Variants in PCDH15 observed in about 807,000 individuals in gnomAD.
PCDH15 encodes protocadherin-15.
A neutral mutation model predicts 178.5 loss-of-function variants in PCDH15; 129 were observed. That is an observed-to-expected ratio of 0.72 (90% CI 0.63 to 0.84). The LOEUF (loss-of-function observed/expected upper bound fraction) is 0.84, where lower values mean the gene tolerates loss of function less well. PCDH15 is among the 40% of genes least tolerant of loss of function. The pLI is 0.00. For synonymous variants in PCDH15, 800 were observed against 732.0 expected (o/e 1.09, Z -1.50); for missense variants, 2,230 against 2,099.9 (o/e 1.06, Z -1.21).
intron 10 of PCDH15, among the ~76,000 whole-genome samples, chr10:54,212,072 C>T (rs560555160): frequency 6.6e-6 from 1 of 151,916 alleles, no homozygotes; most frequent in Non-Finnish European, 1.5e-5. Context: ...TACACCAGGA[C>T]AGCTGAATTC....
chr10:54,438,630 T>C (rs892100912), intron 3 of PCDH15, among the ~76,000 whole-genome samples: 1 of 152,100 alleles, frequency 6.6e-6, no homozygotes, highest in Non-Finnish European at 1.5e-5. Context: ...CAACTTGCCA[T>C]GTTTAGCTTC....
chr10:54,260,327 G>T (rs1196345461), intron 8 of PCDH15, among the ~76,000 whole-genome samples: 10 of 148,808 alleles, frequency 6.7e-5, no homozygotes, highest in Admixed American at 5.3e-4. Context: ...TCTCTCTGTC[G>T]CCCCCAATTT....
intron 9 of PCDH15, among the ~76,000 whole-genome samples, chr10:54,217,987 T>A (rs1591237031): frequency 6.6e-6 from 1 of 152,316 alleles, no homozygotes; most frequent in East Asian, 1.9e-4. Flanking sequence ...TCAGTAATGA[T>A]TTGAAACAGA....
At chr10:53,831,595 A>G (rs2077019926) in intron 29 of PCDH15, 62 bp from the exon 30 acceptor site, 2 of 1,246,834 alleles carry the variant, frequency 1.6e-6, no homozygotes, top group African/African-American at 1.5e-5. Context: ...TTTTAAAAAT[A>G]AAATCTTTTT....
chr10:54,715,775 G>C (rs1409326747), intron 1 of PCDH15, among the ~76,000 whole-genome samples: 1 of 152,048 alleles, frequency 6.6e-6, no homozygotes, highest in East Asian at 1.9e-4. Context: ...TTAGTAGTTT[G>C]AGCCATTCAT....
intron 3 of PCDH15, among the ~76,000 whole-genome samples, chr10:54,388,961 C>T (rs539160002): frequency 3.9e-5 from 6 of 152,164 alleles, no homozygotes; most frequent in Non-Finnish European, 1.5e-5. Context: ...ATTACTGGCA[C>T]ATTGAGTATC....
chr10:54,710,491 A>G (rs569490061), intron 1 of PCDH15, among the ~76,000 whole-genome samples: 2 of 152,010 alleles, frequency 1.3e-5, no homozygotes, highest in Non-Finnish European at 2.9e-5. Flanking sequence ...GCAGTATATT[A>G]TGTTATTATT....
At chr10:54,998,719 A>G (rs888806314) in intron 2 of PCDH15, among the ~76,000 whole-genome samples, 1 of 152,168 alleles carries the variant, frequency 6.6e-6, no homozygotes, top group Admixed American at 6.5e-5. Flanking sequence ...TTTCACATAA[A>G]TGCTTGCTTT....
intron 32 of PCDH15, among the ~76,000 whole-genome samples, chr10:53,824,018 C>CCAAT (rs974923515): frequency 6.6e-6 from 1 of 151,748 alleles, no homozygotes; most frequent in African/African-American, 2.4e-5. Context: ...ATACATAATA[C>CCAAT]CAATCAGGAA....
chr10:54,261,636 G>T (rs2057324028), intron 8 of PCDH15, among the ~76,000 whole-genome samples: 1 of 142,302 alleles, frequency 7.0e-6, no homozygotes, highest in South Asian at 2.3e-4. Flanking sequence ...ACATTAAAAT[G>T]TGTATACAAG....
chr10:54,832,680 A>G (rs1418445501), intron 3 of PCDH15, among the ~76,000 whole-genome samples: 1 of 152,216 alleles, frequency 6.6e-6, no homozygotes, highest in Non-Finnish European at 1.5e-5. Flanking sequence ...ACACAATACA[A>G]TATGGATGGT....
intron 2 of PCDH15, among the ~76,000 whole-genome samples, chr10:55,404,723 G>T (rs1216814871): frequency 4.0e-5 from 6 of 151,804 alleles, no homozygotes; most frequent in South Asian, 2.1e-4. Context: ...ACATTTGAAT[G>T]TATAAAAATA....
At chr10:54,890,001 T>C (rs1424776922) in intron 3 of PCDH15, among the ~76,000 whole-genome samples, 1 of 151,798 alleles carries the variant, frequency 6.6e-6, no homozygotes, top group Non-Finnish European at 1.5e-5. Flanking sequence ...AGTGGAAAAA[T>C]ACAGAAATAT....
intron 2 of PCDH15, among the ~76,000 whole-genome samples, chr10:55,000,617 A>G (rs1355372893): frequency 6.6e-6 from 1 of 152,198 alleles, no homozygotes; most frequent in East Asian, 1.9e-4. Context: ...TCACAAGGGT[A>G]TTGATTGGGG....
chr10:54,760,488 A>T (rs980004756), intron 1 of PCDH15, among the ~76,000 whole-genome samples: 2 of 152,196 alleles, frequency 1.3e-5, no homozygotes, highest in African/African-American at 4.8e-5. Context: ...AGAAGTGGAT[A>T]CTAAATATCT....
At chr10:55,333,120 G>A (rs1178933093) in intron 2 of PCDH15, among the ~76,000 whole-genome samples, 1 of 152,138 alleles carries the variant, frequency 6.6e-6, no homozygotes, top group Non-Finnish European at 1.5e-5. Flanking sequence ...AATTTGGAGT[G>A]TATAAATTAT....
chr10:54,407,774 G>A (rs1952876749), intron 3 of PCDH15, among the ~76,000 whole-genome samples: 1 of 152,124 alleles, frequency 6.6e-6, no homozygotes, highest in Non-Finnish European at 1.5e-5. Flanking sequence ...GAAAAGGGAT[G>A]GCTGGGCGTG....
At chr10:54,800,730 A>G (rs2133704296) in intron 1 of PCDH15, among the ~76,000 whole-genome samples, 195 bp downstream of exon 1, 1 of 152,306 alleles carries the variant, frequency 6.6e-6, no homozygotes, top group South Asian at 2.1e-4. Context: ...GGAAGAATGA[A>G]AGGACAGGCA....
At chr10:54,485,605 A>G (rs2079045761) in intron 3 of PCDH15, among the ~76,000 whole-genome samples, 1 of 152,120 alleles carries the variant, frequency 6.6e-6, no homozygotes, top group South Asian at 2.1e-4. Flanking sequence ...GCCAGTTGCT[A>G]GACTTCAACT....
Sources: gnomAD v4.1 joint callset for allele counts (sites outside exome capture counted in the v4.1 genomes callset) on GRCh38, gnomAD v4.1.1 for gene constraint, MANE v1.5 for transcripts, NCBI Gene and HGNC (gene_info 2026-07-23, HGNC 2026-07-21) for gene names.